MCTP2: variants seen among roughly 807,000 people sequenced by gnomAD.
MCTP2 encodes the protein multiple C2 and transmembrane domain-containing protein 2.
MCTP2 carries 132 observed loss-of-function variants against 111.6 expected under a neutral mutation model. The observed-to-expected ratio is 1.18, with a 90% CI of 1.03 to 1.37. The LOEUF is 1.37. MCTP2 is among the 40% of genes most tolerant of loss of function. The pLI is 0.00. For synonymous variants in MCTP2, 395 were observed against 387.7 expected (o/e 1.02, Z -0.22); for missense variants, 1,183 against 1,067.9 (o/e 1.11, Z -1.50).
intron 12 of MCTP2, among the ~76,000 whole-genome samples, chr15:94,382,858 C>T (rs77164148): frequency 0.01 from 1,585 of 152,382 alleles, 18 homozygotes; most frequent in African/African-American, 0.034. Flanking sequence ...ACGGACATTA[C>T]GGAGCCATTC....
At chr15:94,436,074 C>G (rs1021573484) in intron 17 of MCTP2, among the ~76,000 whole-genome samples, 21 of 152,254 alleles carry the variant, frequency 1.4e-4, no homozygotes, top group African/African-American at 4.6e-4. Flanking sequence ...GCAACTTTAG[C>G]GGCATTCACA....
chr15:94,322,670 A>G (rs2076682926), intron 4 of MCTP2, among the ~76,000 whole-genome samples: 1 of 152,188 alleles, frequency 6.6e-6, no homozygotes, highest in African/African-American at 2.4e-5. Flanking sequence ...TACAACAAAG[A>G]TGGTATAATC....
intron 4 of MCTP2, among the ~76,000 whole-genome samples, chr15:94,333,629 A>G (rs2077228016): frequency 6.6e-6 from 1 of 152,194 alleles, no homozygotes; most frequent in Non-Finnish European, 1.5e-5. Flanking sequence ...TAAAAATGAT[A>G]AGTAAAATGA....
chr15:94,368,875 T>G (rs1034409918), intron 11 of MCTP2, among the ~76,000 whole-genome samples: 2 of 152,206 alleles, frequency 1.3e-5, no homozygotes, highest in Admixed American at 6.5e-5. Flanking sequence ...AATAATACTT[T>G]AGGATTTGAG....
intron 8 of MCTP2, among the ~76,000 whole-genome samples, chr15:94,354,573 C>T (rs1483703735): frequency 2.0e-5 from 3 of 152,190 alleles, no homozygotes; most frequent in South Asian, 2.1e-4. Context: ...TCCCCAGCCA[C>T]GCTGCACTGA....
chr15:94,261,848 G>A (rs1432446272), intron 1 of MCTP2, among the ~76,000 whole-genome samples: 3 of 152,188 alleles, frequency 2.0e-5, no homozygotes, highest in Admixed American at 6.5e-5. Context: ...CTCGTGAACT[G>A]AAGTGTTTTT....
intron 1 of MCTP2, among the ~76,000 whole-genome samples, chr15:94,257,033 C>T (rs994567840): frequency 6.6e-6 from 1 of 152,292 alleles, no homozygotes; most frequent in African/African-American, 2.4e-5. Context: ...TGGCCCTCAT[C>T]CCTTCTCTGA....
At chr15:94,472,670 A>G (rs534359274) in intron 21 of MCTP2, among the ~76,000 whole-genome samples, 3 of 152,236 alleles carry the variant, frequency 2.0e-5, no homozygotes, top group African/African-American at 7.2e-5. Context: ...TCAGTTTTAC[A>G]TTTTAAACAG....
intron 16 of MCTP2, among the ~76,000 whole-genome samples, chr15:94,400,677 G>C: frequency 6.6e-6 from 1 of 150,474 alleles, no homozygotes; most frequent in East Asian, 1.9e-4. Context: ...CCGCAGCTCA[G>C]GATTTCACTT....
rs35338578 is a variant in MCTP2 at position 94,473,956 on chromosome 15, A to AT, written c.2471-2728dup. The stretch of plus-strand genomic sequence containing the variant: ...CATCTCTTCTGATTTTCTCCAAGTG[A>AT]TTTTTTTTTTTTAAACTGTAGGGCT... On this transcript the variant is annotated intron_variant, in intron 21 of 22. Coordinates refer to ENST00000357742, the MANE Select transcript of MCTP2 (RefSeq NM_001385001.1). Among the ~76,000 whole-genome samples the AT allele has an allele frequency of 9.9e-5, 15 of 150,824 alleles. No individual in the cohort carries two copies. The East Asian group carries it at 1.7e-3, about 18-fold the overall frequency.
intron 1 of MCTP2, among the ~76,000 whole-genome samples, chr15:94,245,327 T>C (rs1178823037): frequency 7.1e-6 from 1 of 140,598 alleles, no homozygotes; most frequent in Non-Finnish European, 1.5e-5. Flanking sequence ...TATATTTACA[T>C]ACATATGTGT....
chr15:94,246,473 A>G (rs1431006984), intron 1 of MCTP2, among the ~76,000 whole-genome samples: 1 of 152,206 alleles, frequency 6.6e-6, no homozygotes, highest in Non-Finnish European at 1.5e-5. Context: ...GAGTAGCTGC[A>G]GTGGCTGATG....
At chr15:94,245,942 A>G (rs796732662) in intron 1 of MCTP2, among the ~76,000 whole-genome samples, 1 of 152,062 alleles carries the variant, frequency 6.6e-6, no homozygotes, top group African/African-American at 2.4e-5. Context: ...GTCAAGCTTC[A>G]TCTTCATGAA....
In MCTP2 at chr15:94,328,375, G is replaced by A. The variant is rs191579423; in HGVS notation, c.638-10915G>A. On this transcript the variant is annotated intron_variant, in intron 4 of 22. Coordinates refer to ENST00000357742, the MANE Select transcript of MCTP2 (RefSeq NM_001385001.1). ...GATCTCCTGACCTCGTGATCCACCC[G>A]CCTTGGCCTCCCAAAGTGCTGGGAT... Among the ~76,000 whole-genome samples, 79 of 152,212 alleles carry A rather than the reference G, an allele frequency of 5.2e-4. No individual in the cohort carries two copies. The South Asian group carries it at 6.0e-3, about 12-fold the overall frequency.
At position 94,440,180 on chromosome 15, in the gene MCTP2, T is replaced by C; in HGVS notation, c.2090T>C (p.Phe697Ser). 6.2e-7 allele frequency: 1 copy of C among 1,613,980 alleles called. No homozygotes were observed. Among genetic ancestry groups the C allele is most frequent in the Non-Finnish European group, 8.5e-7 (1 of 1,179,930 alleles). The change falls in exon 18 of 23, where the codon TTT becomes TCT. Residue 697 changes from phenylalanine (F) to serine (S), a missense_variant. Coordinates refer to ENST00000357742, the MANE Select transcript of MCTP2 (RefSeq NM_001385001.1). ...TCTTATTTGTCTTTCAATCAGGTAT[T>C]TTTGATCACTGTCTGGAATTTTGAA... The part of the protein sequence containing the change: ...TLRSTIAFAV[F>S]LITVWNFELY...
chr15:94,240,689 CTG>C (rs905822276), intron 1 of MCTP2, among the ~76,000 whole-genome samples: 2 of 152,238 alleles, frequency 1.3e-5, no homozygotes, highest in African/African-American at 4.8e-5. Context: ...TGCCAGATGA[CTG>C]TGTATATATG....
intron 1 of MCTP2, among the ~76,000 whole-genome samples, chr15:94,295,448 C>T (rs7171181): frequency 0.016 from 2,385 of 152,162 alleles, 65 homozygotes; most frequent in African/African-American, 0.054. Flanking sequence ...TACAGTATCC[C>T]ACTGTGTGAG....
At chr15:94,382,274 A>G (rs12594791) in intron 12 of MCTP2, among the ~76,000 whole-genome samples, 13,086 of 152,280 alleles carry the variant, frequency 0.086, 1,003 homozygotes, top group East Asian at 0.4. Flanking sequence ...GATATTTTTT[A>G]GCCCGATTCT....
At chr15:94,419,530 T>G (rs976214306) in intron 17 of MCTP2, among the ~76,000 whole-genome samples, 3 of 152,098 alleles carry the variant, frequency 2.0e-5, no homozygotes, top group Non-Finnish European at 2.9e-5. Flanking sequence ...GCCAAGGCCA[T>G]TCTTCCATTA....
Sources: gnomAD v4.1 joint callset for allele counts (sites outside exome capture counted in the v4.1 genomes callset) on GRCh38, gnomAD v4.1.1 for gene constraint, MANE v1.5 for transcripts, NCBI Gene and HGNC (gene_info 2026-07-23, HGNC 2026-07-21) for gene names.